Variants in SLC24A2 observed in about 807,000 individuals in gnomAD.
SLC24A2 encodes the protein solute carrier family 24 member 2.
In SLC24A2, 36 loss-of-function variants were observed where a neutral mutation model predicts 62.0. That is an observed-to-expected ratio of 0.58 (90% CI 0.44 to 0.77). The LOEUF (loss-of-function observed/expected upper bound fraction) is 0.77. SLC24A2 is among the 30% of genes least tolerant of loss of function. The probability of loss-of-function intolerance (pLI) is 0.00; values close to 1 mark genes in which losing one functional copy is unlikely to be tolerated. For missense variants in SLC24A2, 846 were observed against 817.9 expected (o/e 1.03, Z -0.42); for synonymous variants, 358 against 294.0 (o/e 1.22, Z -2.23).
In SLC24A2 at chr9:19,510,948, CTG is replaced by C. The variant is rs1257828751; in HGVS notation, c.*5203_*5204del. 1.3e-5 allele frequency: 2 copies of C among 152,198 alleles called. No homozygotes were observed. Among genetic ancestry groups the C allele is most frequent in the African/African-American group, 4.8e-5 (2 of 41,424 alleles). The allele number at this position is 152,198 out of a possible 1,614,324, so 9.4% of individuals were successfully genotyped here. On this transcript the variant is annotated 3_prime_UTR_variant, in exon 11 of 11. Coordinates refer to ENST00000341998, the MANE Select transcript of SLC24A2 (RefSeq NM_020344.4). ...CTGTCCCTAGCCATATTAAGGGCCT[CTG>C]TGGAGTTTGGGTGGTTCTGAGCAAG...
At chr9:20,218,976 G>A in the SLC24A2 span, among the ~76,000 whole-genome samples, 1 of 152,136 alleles carries the variant, frequency 6.6e-6, no homozygotes, top group Non-Finnish European at 1.5e-5. Context: ...AGTGCTGAGG[G>A]CTTAATTCAC....
the SLC24A2 span, among the ~76,000 whole-genome samples, chr9:19,911,288 G>C: frequency 6.6e-6 from 1 of 152,172 alleles, no homozygotes; most frequent in East Asian, 1.9e-4. Flanking sequence ...TGGTGTCTAT[G>C]TGCCACATTT....
At chr9:20,093,053 T>A in the SLC24A2 span, among the ~76,000 whole-genome samples, 20 of 152,020 alleles carry the variant, frequency 1.3e-4, no homozygotes, top group African/African-American at 4.8e-4. Flanking sequence ...TTACTTTATA[T>A]TTTCAGGGTT....
chr9:19,550,453 T>C (rs1465245400), intron 7 of SLC24A2, among the ~76,000 whole-genome samples, 185 bp from the exon 8 acceptor site: 1 of 152,202 alleles, frequency 6.6e-6, no homozygotes, highest in African/African-American at 2.4e-5. Context: ...AATAATACAT[T>C]GTCCAGCCAT....
the SLC24A2 span, among the ~76,000 whole-genome samples, chr9:19,826,016 A>G: frequency 6.6e-6 from 1 of 152,094 alleles, no homozygotes; most frequent in African/African-American, 2.4e-5. Context: ...AATATAGAAT[A>G]TGACTCTGAA....
intron 2 of SLC24A2, among the ~76,000 whole-genome samples, chr9:19,719,642 A>G (rs886121467): frequency 1.3e-5 from 2 of 152,204 alleles, no homozygotes; most frequent in African/African-American, 4.8e-5. Flanking sequence ...AATTTATGGA[A>G]AGTTTCATTT....
intron 2 of SLC24A2, among the ~76,000 whole-genome samples, chr9:19,665,003 G>T (rs1361450433): frequency 6.6e-6 from 1 of 152,144 alleles, no homozygotes; most frequent in Non-Finnish European, 1.5e-5. Context: ...AATACGCCTT[G>T]TAACACCAGG....
the SLC24A2 span, among the ~76,000 whole-genome samples, chr9:19,883,475 T>C: frequency 6.6e-6 from 1 of 152,166 alleles, no homozygotes; most frequent in Non-Finnish European, 1.5e-5. Flanking sequence ...AAAGAATCTA[T>C]ACCTAATTTA....
chr9:19,891,373 G>T, the SLC24A2 span, among the ~76,000 whole-genome samples: 2 of 152,164 alleles, frequency 1.3e-5, no homozygotes, highest in African/African-American at 4.8e-5. Context: ...AGATATATTA[G>T]TCTGTTTTGT....
the SLC24A2 span, among the ~76,000 whole-genome samples, chr9:20,123,539 T>G: frequency 6.6e-6 from 1 of 152,330 alleles, no homozygotes; most frequent in Non-Finnish European, 1.5e-5. Context: ...CTTCAAATCT[T>G]ATATTTGTAC....
chr9:20,138,676 C>T, the SLC24A2 span, among the ~76,000 whole-genome samples: 4 of 152,164 alleles, frequency 2.6e-5, no homozygotes, highest in Admixed American at 6.5e-5. Context: ...AATCTCCTTG[C>T]TCATGTAGGA....
chr9:19,542,067 C>T (rs61063827), intron 8 of SLC24A2, among the ~76,000 whole-genome samples: 5,117 of 152,250 alleles, frequency 0.034, 248 homozygotes, highest in African/African-American at 0.11. Context: ...CTTCGGCTCG[C>T]GCACGGTGCA....
chr9:20,263,674 A>G, the SLC24A2 span, among the ~76,000 whole-genome samples: 3 of 152,174 alleles, frequency 2.0e-5, no homozygotes, highest in African/African-American at 7.2e-5. Flanking sequence ...TGTTTACATG[A>G]ATGATGCTTT....
chr9:19,895,921 C>T, the SLC24A2 span: 2 of 1,613,510 alleles, frequency 1.2e-6, no homozygotes, highest in East Asian at 2.2e-5. Flanking sequence ...TAACATCCTC[C>T]TCATCAGGTC....
At chr9:19,626,439 G>A (rs938013299) in intron 2 of SLC24A2, among the ~76,000 whole-genome samples, 1 of 152,106 alleles carries the variant, frequency 6.6e-6, no homozygotes, top group Non-Finnish European at 1.5e-5. Flanking sequence ...GGTCAATGAC[G>A]TGGCATCAGA....
At chr9:19,544,677 C>T (rs1834459909) in intron 8 of SLC24A2, among the ~76,000 whole-genome samples, 1 of 152,112 alleles carries the variant, frequency 6.6e-6, no homozygotes, top group African/African-American at 2.4e-5. Context: ...TTTATTTCTC[C>T]TTCACTTACG....
intron 8 of SLC24A2, among the ~76,000 whole-genome samples, chr9:19,549,443 A>T (rs144953091): frequency 6.6e-6 from 1 of 152,204 alleles, no homozygotes; most frequent in Non-Finnish European, 1.5e-5. Context: ...AAGTGAATCT[A>T]TGTAACTTCT....
intron 2 of SLC24A2, among the ~76,000 whole-genome samples, chr9:19,687,624 G>T (rs1819922660): frequency 1.3e-5 from 2 of 151,998 alleles, no homozygotes; most frequent in Non-Finnish European, 2.9e-5. Flanking sequence ...CCAACTTTGG[G>T]ATCATAGGAC....
the SLC24A2 span, among the ~76,000 whole-genome samples, chr9:19,877,123 G>A: frequency 4.6e-5 from 7 of 151,686 alleles, no homozygotes; most frequent in Non-Finnish European, 1.0e-4. Context: ...AAGGGCCTGA[G>A]ACTGAGGGTG....
Sources: gnomAD v4.1 joint callset for allele counts (sites outside exome capture counted in the v4.1 genomes callset) on GRCh38, gnomAD v4.1.1 for gene constraint, MANE v1.5 for transcripts, NCBI Gene and HGNC (gene_info 2026-07-23, HGNC 2026-07-21) for gene names.